The following LAMA1 variants were observed in gnomAD, a reference collection of about 807,000 sequenced individuals.
LAMA1 encodes laminin subunit alpha-1.
In LAMA1, 219 loss-of-function variants were observed where a neutral mutation model predicts 348.7. That is an observed-to-expected ratio of 0.63 (90% CI 0.56 to 0.70). The LOEUF is 0.70. Ranked by LOEUF, LAMA1 falls within the 30% of genes least tolerant of loss-of-function variation. The pLI is 0.00. For synonymous variants in LAMA1, 1,487 were observed against 1,491.0 expected (o/e 1.00, Z 0.06); for missense variants, 3,744 against 3,888.0 (o/e 0.96, Z 0.99).
At chr18:6,947,377 G>A (rs1293702813) in intron 60 of LAMA1, 81 bp from the exon 61 acceptor site, 2 of 1,565,164 alleles carry the variant, frequency 1.3e-6, no homozygotes, top group South Asian at 1.1e-5. Flanking sequence ...GCTAGGGGTT[G>A]GGGGACCTGG....
At chr18:7,111,923 T>G (rs1487134811) in intron 1 of LAMA1, among the ~76,000 whole-genome samples, 2 of 152,162 alleles carry the variant, frequency 1.3e-5, no homozygotes, top group Admixed American at 1.3e-4. Flanking sequence ...ATTAGAAATT[T>G]TTTTAAATAC....
At chr18:7,091,144 T>A (rs2058238317) in intron 1 of LAMA1, among the ~76,000 whole-genome samples, 1 of 152,234 alleles carries the variant, frequency 6.6e-6, no homozygotes, top group Non-Finnish European at 1.5e-5. Flanking sequence ...GAAAAGAACT[T>A]TAATTCATTC....
At chr18:6,961,012 A>G (rs1438624888) in intron 53 of LAMA1, among the ~76,000 whole-genome samples, 1 of 152,214 alleles carries the variant, frequency 6.6e-6, no homozygotes, top group Non-Finnish European at 1.5e-5. Context: ...CATTCTGTAA[A>G]GTCTCTTCAA....
chr18:7,012,450 G>A (rs1180081705), intron 23 of LAMA1, among the ~76,000 whole-genome samples: 1 of 150,606 alleles, frequency 6.6e-6, no homozygotes, highest in East Asian at 1.9e-4. Flanking sequence ...TGATCCCTGG[G>A]TGTGAGAGCC....
chr18:7,013,432 C>T (rs377159111), intron 23 of LAMA1, among the ~76,000 whole-genome samples: 1 of 152,088 alleles, frequency 6.6e-6, no homozygotes, highest in East Asian at 1.9e-4. Context: ...TAATAAACCC[C>T]GATTTCCTTC....
chr18:6,956,631 C>A lies in LAMA1; in HGVS notation c.8094+5G>T. ...CTGACTGATAGTAAAGGAAGCCGCTCCTACTGGAAAAGCCCGGGGCTCTGG... is the reference window on the plus strand; with the variant it reads ...CTGACTGATAGTAAAGGAAGCCGCTACTACTGGAAAAGCCCGGGGCTCTGG... On this transcript the variant is annotated splice_donor_5th_base_variant and intron_variant, in intron 56 of 62. Coordinates refer to ENST00000389658, the MANE Select transcript of LAMA1 (RefSeq NM_005559.4). 1.2e-6 allele frequency: 2 copies of A among 1,614,100 alleles called. No individual in the cohort carries two copies. Among genetic ancestry groups the A allele is most frequent in the Non-Finnish European group, 1.7e-6 (2 of 1,180,036 alleles).
rs1274161957 is a variant in LAMA1 at position 6,986,291 on chromosome 18, T to A, written c.5225A>T (p.Glu1742Val). ...IQENYQKPLEELEVLKEAASH... is the reference protein window; with the variant it reads ...IQENYQKPLEVLEVLKEAASH... The stretch of plus-strand genomic sequence containing the variant: ...TGCTGCTTCTTTCAATACCTCCAAT[T>A]CTTCCAGCGGCTTCTGGTAATTTTC... The change falls in exon 37 of 63, where the codon GAA (glutamate) becomes GTA (valine). Residue 1742 changes from glutamate (E) to valine (V), a missense_variant. Transcript: ENST00000389658. 6.2e-7 allele frequency: 1 copy of A among 1,614,094 alleles called. No homozygotes were observed. The highest frequency in any genetic ancestry group is 8.5e-7 in the Non-Finnish European group (1 of 1,180,044).
chr18:7,049,622 A>C lies in LAMA1; in HGVS notation c.589-365T>G, dbSNP rs553947794. On this transcript the variant is annotated intron_variant, in intron 4 of 62. Coordinates refer to ENST00000389658, the MANE Select transcript of LAMA1 (RefSeq NM_005559.4). ...CCACAAATGTCAATTTTAAGCATGCAAAAATATAGCCCTGATTGTCTAATG... is the reference window on the plus strand; with the variant it reads ...CCACAAATGTCAATTTTAAGCATGCCAAAATATAGCCCTGATTGTCTAATG... Among the ~76,000 whole-genome samples the C allele has an allele frequency of 2.0e-5, 3 of 152,308 alleles. No individual in the cohort carries two copies. In the South Asian group the frequency reaches 6.2e-4, roughly 32 times the overall value.
intron 3 of LAMA1, among the ~76,000 whole-genome samples, chr18:7,066,913 C>T (rs946906105): frequency 1.3e-5 from 2 of 152,150 alleles, no homozygotes; most frequent in African/African-American, 4.8e-5. Flanking sequence ...ACTACCGTAA[C>T]AGCCATAAAA....
At chr18:6,958,139 A>C (rs1416986621) in intron 55 of LAMA1, among the ~76,000 whole-genome samples, 1 of 152,190 alleles carries the variant, frequency 6.6e-6, no homozygotes, top group African/African-American at 2.4e-5. Flanking sequence ...CCTTCAAAGC[A>C]ATGCTCTCAG....
chr18:7,072,381 A>G (rs538984029), intron 3 of LAMA1, among the ~76,000 whole-genome samples: 25 of 152,288 alleles, frequency 1.6e-4, no homozygotes, highest in Non-Finnish European at 2.6e-4. Context: ...TTCACTTTGT[A>G]TATATCACCC....
chr18:6,965,893 T>A, intron 49 of LAMA1: 1 of 501,950 alleles, frequency 2.0e-6, no homozygotes, highest in Middle Eastern at 5.5e-4. Context: ...AATTGATATC[T>A]ATAAAGACTA....
intron 1 of LAMA1, among the ~76,000 whole-genome samples, chr18:7,081,585 G>A (rs945124290): frequency 2.0e-5 from 3 of 152,146 alleles, no homozygotes; most frequent in Non-Finnish European, 2.9e-5. Context: ...TCAGTACCAG[G>A]TCCAAACTAT....
intron 32 of LAMA1, among the ~76,000 whole-genome samples, chr18:6,998,850 T>C (rs1203710329): frequency 6.6e-6 from 1 of 152,108 alleles, no homozygotes; most frequent in East Asian, 1.9e-4. Context: ...CTGGCCAACA[T>C]GGTGAAACCC....
chr18:7,028,883 C>T (rs531547), intron 16 of LAMA1, among the ~76,000 whole-genome samples: 2 of 151,972 alleles, frequency 1.3e-5, no homozygotes, highest in Non-Finnish European at 2.9e-5. Context: ...ACACGTGTGT[C>T]GCTGCTCCTC....
At chr18:7,016,339 G>A (rs1212511574) in intron 21 of LAMA1, 152 bp downstream of exon 21, 1 of 836,344 alleles carries the variant, frequency 1.2e-6, no homozygotes, top group South Asian at 1.6e-5. Context: ...ACCCTGATAG[G>A]GACCAGAAAC....
chr18:7,035,297 C>T lies in LAMA1; in HGVS notation c.1840-607G>A, dbSNP rs150589130. On this transcript the variant is annotated intron_variant, in intron 13 of 62. Transcript: ENST00000389658. ...GAGGCTGAGGACAAGTATGGCAACA[C>T]GTCTACTGTCCTCAGACCGCCAAGT... 1.1e-4 allele frequency among the ~76,000 whole-genome samples: 17 copies of T among 152,242 alleles called. 1 individual carries two copies. In the South Asian group the frequency reaches 2.7e-3, roughly 24 times the overall value.
At chr18:7,115,876 G>A (rs1189596316) in intron 1 of LAMA1, among the ~76,000 whole-genome samples, 7 of 151,086 alleles carry the variant, frequency 4.6e-5, no homozygotes, top group African/African-American at 9.7e-5. Flanking sequence ...CAGCTACTCG[G>A]GAGGCTGAGG....
chr18:7,110,035 G>A (rs1027817770), intron 1 of LAMA1, among the ~76,000 whole-genome samples: 1 of 152,050 alleles, frequency 6.6e-6, no homozygotes, highest in Non-Finnish European at 1.5e-5. Context: ...ACAAAAATTA[G>A]CAGGGTGTAG....
Sources: gnomAD v4.1 joint callset for allele counts (sites outside exome capture counted in the v4.1 genomes callset) on GRCh38, gnomAD v4.1.1 for gene constraint, MANE v1.5 for transcripts, NCBI Gene and HGNC (gene_info 2026-07-23, HGNC 2026-07-21) for gene names.